The following GPRIN3 variants were observed in gnomAD, a reference collection of about 807,000 sequenced individuals.
GPRIN3 encodes GPRIN family member 3.
GPRIN3 carries 12 observed loss-of-function variants against 13.7 expected under a neutral mutation model. The observed-to-expected ratio is 0.87, with a 90% CI of 0.56 to 1.42. The LOEUF is 1.42. Ranked by LOEUF, GPRIN3 falls within the 40% of genes most tolerant of loss-of-function variation. GPRIN3 has a pLI of 0.00. For synonymous variants in GPRIN3, 377 were observed against 372.7 expected, an observed-to-expected ratio of 1.01 and a Z score of -0.13; for missense variants, 1,009 against 958.7, an observed-to-expected ratio of 1.05 and a Z score of -0.69.
chr4:89,298,185 C>T (rs991027229), intron 1 of GPRIN3, among the ~76,000 whole-genome samples: 3 of 152,110 alleles, frequency 2.0e-5, no homozygotes, highest in African/African-American at 2.4e-5. Context: ...AAGAATTCTA[C>T]ATCTTATATC....
intron 1 of GPRIN3, among the ~76,000 whole-genome samples, chr4:89,281,369 A>G (rs530883530): frequency 9.9e-5 from 15 of 152,150 alleles, no homozygotes; most frequent in African/African-American, 3.6e-4. Flanking sequence ...TGATCTGCCC[A>G]CCTCGGCTCC....
At chr4:89,301,998 C>T (rs10516832) in intron 1 of GPRIN3, among the ~76,000 whole-genome samples, 26,073 of 152,122 alleles carry the variant, frequency 0.17, 2,398 homozygotes, top group Non-Finnish European at 0.2. Flanking sequence ...GGTATCCACG[C>T]TATTTAGGAT....
chr4:89,264,171 T>C (rs532133698), intron 1 of GPRIN3, among the ~76,000 whole-genome samples: 4 of 152,162 alleles, frequency 2.6e-5, no homozygotes, highest in Non-Finnish European at 5.9e-5. Context: ...GTTTAGGTCA[T>C]GGGGGTGGAT....
intron 1 of GPRIN3, among the ~76,000 whole-genome samples, chr4:89,251,868 G>A (rs529097079): frequency 3.3e-5 from 5 of 152,288 alleles, no homozygotes; most frequent in South Asian, 4.1e-4. Context: ...GTTGGGGACA[G>A]AGAGGGGAGA....
Position 89,263,801 on chromosome 4 carries a change from C to T in GPRIN3, c.-123-13568G>A, listed in dbSNP as rs73846105. ...AACTGAGGCCCAGAGAATTTCAGCT[C>T]ATCAAAGATGTGCATTTACTAAGTA... On this transcript the variant is annotated intron_variant, in intron 1 of 1. Transcript: ENST00000609438. 5.8e-3 allele frequency among the ~76,000 whole-genome samples: 887 copies of T among 152,228 alleles called. 5 individuals are homozygous for T. Among genetic ancestry groups the T allele is most frequent in the African/African-American group, 0.019 (801 of 41,536 alleles).
intron 1 of GPRIN3, among the ~76,000 whole-genome samples, chr4:89,303,904 A>T (rs1321661730): frequency 6.6e-6 from 1 of 151,116 alleles, no homozygotes; most frequent in Non-Finnish European, 1.5e-5. Flanking sequence ...TAACTCATGT[A>T]ATATTTCAGT....
At chr4:89,277,592 G>A (rs937189228) in intron 1 of GPRIN3, among the ~76,000 whole-genome samples, 1 of 152,206 alleles carries the variant, frequency 6.6e-6, no homozygotes, top group Non-Finnish European at 1.5e-5. Context: ...TGAGTCACCT[G>A]ATGTGGACAT....
rs181299210 is a variant in GPRIN3 at position 89,251,568 on chromosome 4, G to A, written c.-123-1335C>T. The stretch of plus-strand genomic sequence containing the variant: ...GTCTTTATAAATAGGCAGAATGATA[G>A]GAAAAGTCATGATGTAATTCTACTA... On this transcript the variant is annotated intron_variant, in intron 1 of 1. Coordinates refer to ENST00000609438, the MANE Select transcript of GPRIN3 (RefSeq NM_198281.3). 5.7e-3 allele frequency among the ~76,000 whole-genome samples: 870 copies of A among 152,276 alleles called. 2 individuals carry two copies. Among genetic ancestry groups the A allele is most frequent in the Middle Eastern group, 0.01 (3 of 294 alleles).
intron 1 of GPRIN3, among the ~76,000 whole-genome samples, chr4:89,296,628 GAC>G (rs1724744671): frequency 1.6e-5 from 2 of 127,858 alleles, no homozygotes; most frequent in Admixed American, 7.6e-5. Flanking sequence ...GTTAAATAAA[GAC>G]ACATGTTTGT....
In GPRIN3 at chr4:89,270,556, G is replaced by A. The variant is rs993506935; in HGVS notation, c.-123-20323C>T. Reference sequence around the variant, plus strand: ...ATATATATTATATATATTTATATATGTATATAATTTATATATATATATATA... The same window carrying A: ...ATATATATTATATATATTTATATATATATATAATTTATATATATATATATA... On this transcript the variant is annotated intron_variant, in intron 1 of 1. Transcript: ENST00000609438. 8.6e-3 allele frequency among the ~76,000 whole-genome samples: 654 copies of A among 76,118 alleles called. 5 individuals carry two copies. The highest frequency in any genetic ancestry group is 0.026 in the African/African-American group (479 of 18,758). The allele number at this position is 76,118 out of a possible 152,430, so 49.9% of individuals were successfully genotyped here. A position where few individuals can be genotyped will look rare whatever the true frequency, so the allele number is the denominator to read the frequency against.
chr4:89,278,803 G>C (rs781358805), intron 1 of GPRIN3, among the ~76,000 whole-genome samples: 8 of 151,774 alleles, frequency 5.3e-5, no homozygotes, highest in Non-Finnish European at 1.0e-4. Context: ...TTGAACCCAA[G>C]CTGTGCAGCT....
rs567391802 is a variant in GPRIN3, at chr4:89,242,234, T to A, written c.*5546A>T. 2.6e-4 allele frequency: 39 copies of A among 152,350 alleles called. No individual in the cohort carries two copies. The highest frequency in any genetic ancestry group is 9.4e-4 in the African/African-American group (39 of 41,584). 9.4% of individuals were successfully genotyped at this position (152,350 alleles called of 1,614,324 possible). A position where few individuals can be genotyped will look rare whatever the true frequency, so the allele number is the denominator to read the frequency against. ...AAGAGTTAGCATTTAGAAGTGCCCA[T>A]CTGGAGCATCGTTTTCTGTAAGGCA... On this transcript the variant is annotated 3_prime_UTR_variant, in exon 2 of 2. Transcript: ENST00000609438.
chr4:89,272,222 T>C (rs561013266), intron 1 of GPRIN3, among the ~76,000 whole-genome samples: 3 of 152,106 alleles, frequency 2.0e-5, no homozygotes, highest in South Asian at 2.1e-4. Context: ...AACCTGGAAA[T>C]GGGGCCTGTA....
Position 89,245,526 on chromosome 4 carries a change from A to G in GPRIN3, c.*2254T>C, listed in dbSNP as rs1244044119. ...AGTCATGAAAATAAATATTATTATC[A>G]GAGGCGAAATTCCTTATTCTCACCT... On this transcript the variant is annotated 3_prime_UTR_variant, in exon 2 of 2. Transcript: ENST00000609438. The G allele has an allele frequency of 1.3e-5, 2 of 152,240 alleles. No individual in the cohort carries two copies. Among genetic ancestry groups the G allele is most frequent in the African/African-American group, 4.8e-5 (2 of 41,458 alleles). 9.4% of individuals were successfully genotyped at this position (152,240 alleles called of 1,614,324 possible).
chr4:89,287,507 A>G (rs1724455858), intron 1 of GPRIN3, among the ~76,000 whole-genome samples: 1 of 152,166 alleles, frequency 6.6e-6, no homozygotes, highest in African/African-American at 2.4e-5. Context: ...GAGGCTAAGG[A>G]AAGATTTAAA....
intron 1 of GPRIN3, among the ~76,000 whole-genome samples, chr4:89,286,151 A>G (rs1724408829): frequency 6.6e-6 from 1 of 151,844 alleles, no homozygotes; most frequent in African/African-American, 2.4e-5. Context: ...AATAAAAATT[A>G]AGAAAAATAA....
chr4:89,239,256 T>C lies in GPRIN3; in HGVS notation c.*8524A>G, dbSNP rs1028195946. The C allele has an allele frequency of 4.6e-5, 7 of 152,158 alleles. No homozygotes were observed. The highest frequency in any genetic ancestry group is 1.7e-4 in the African/African-American group (7 of 41,464). 9.4% of individuals were successfully genotyped at this position (152,158 alleles called of 1,614,324 possible). A position where few individuals can be genotyped will look rare whatever the true frequency, so the allele number is the denominator to read the frequency against. ...ATTATACCACACTTTTGATCTTTCTTAGTTGAGTATTTACACACATAAATG... is the reference window on the plus strand; with the variant it reads ...ATTATACCACACTTTTGATCTTTCTCAGTTGAGTATTTACACACATAAATG... On this transcript the variant is annotated 3_prime_UTR_variant, in exon 2 of 2. Transcript: ENST00000609438.
chr4:89,276,255 C>A (rs1724090250), intron 1 of GPRIN3, among the ~76,000 whole-genome samples: 1 of 152,080 alleles, frequency 6.6e-6, no homozygotes, highest in African/African-American at 2.4e-5. Flanking sequence ...TACTTCTCTT[C>A]TTATTTATTT....
At chr4:89,301,042 T>A (rs1318763809) in intron 1 of GPRIN3, among the ~76,000 whole-genome samples, 1 of 152,172 alleles carries the variant, frequency 6.6e-6, no homozygotes, top group African/African-American at 2.4e-5. Context: ...AATTTAAGAA[T>A]CATGCTATGT....
Sources: allele counts gnomAD v4.1 joint callset (sites outside exome capture counted in the v4.1 genomes callset), GRCh38; gene constraint gnomAD v4.1.1; transcripts MANE v1.5; gene names NCBI Gene and HGNC (gene_info 2026-07-23, HGNC 2026-07-21).